ANXA1: variants seen among roughly 807,000 people sequenced by gnomAD.
The protein encoded by ANXA1 is annexin A1, also known as annexin I (lipocortin I).
In ANXA1, 39 loss-of-function variants were observed where a neutral mutation model predicts 47.9. The observed-to-expected ratio is 0.81, with a 90% CI of 0.63 to 1.06. The LOEUF is 1.06. Among genes scored for constraint, ANXA1 ranks in the 50% least tolerant of loss-of-function variants. ANXA1 has a pLI of 0.00. For synonymous variants in ANXA1, 146 were observed against 142.5 expected (o/e 1.02, Z -0.17); for missense variants, 446 against 422.7 (o/e 1.06, Z -0.48).
In ANXA1 at chr9:73,167,525, C is replaced by T. The variant is rs2118177268; in HGVS notation, c.831C>T (p.Phe277=). Reference sequence around the variant, plus strand: ...AGTGCGCCACAAGCAAACCAGCTTTCTTTGCAGAGAAGCTTCATCAAGCCA... The same window carrying T: ...AGTGCGCCACAAGCAAACCAGCTTTTTTTGCAGAGAAGCTTCATCAAGCCA... ...IVKCATSKPA[F]FAEKLHQAMK... is the part of the protein sequence containing the mutation. Residue 277 remains phenylalanine, a synonymous_variant, in exon 11 of 13, where the codon TTC becomes TTT. Coordinates refer to ENST00000257497, the MANE Select transcript of ANXA1 (RefSeq NM_000700.3). The T allele has an allele frequency of 4.3e-6, 7 of 1,613,434 alleles. No homozygotes were observed. The highest frequency in any genetic ancestry group is 4.2e-6 in the Non-Finnish European group (5 of 1,179,532).
chr9:73,166,676 G>T, intron 10 of ANXA1, among the ~76,000 whole-genome samples: 1 of 152,078 alleles, frequency 6.6e-6, no homozygotes, highest in Non-Finnish European at 1.5e-5. Flanking sequence ...CAACCATCAG[G>T]GTTGGGGAAC....
intron 6 of ANXA1, among the ~76,000 whole-genome samples, chr9:73,161,935 G>T (rs1194521986): frequency 6.6e-6 from 1 of 152,150 alleles, no homozygotes; most frequent in East Asian, 1.9e-4. Context: ...ACCAAGTAAT[G>T]TAAAAAGAAA....
In ANXA1 at chr9:73,158,613, G is replaced by A. The variant is rs1385633502; in HGVS notation, c.66+12G>A. The A allele has an allele frequency of 2.0e-5, 32 of 1,611,784 alleles. No individual in the cohort carries two copies. Among genetic ancestry groups the A allele is most frequent in the Non-Finnish European group, 2.7e-5 (32 of 1,178,178 alleles). On this transcript the variant is annotated intron_variant, in intron 2 of 12. Transcript: ENST00000257497. The stretch of plus-strand genomic sequence containing the variant: ...AGCAGGAATATGTTGTAAGTAGAGT[G>A]ATAATAAAATTATGATTACAATATT...
chr9:73,167,880 G>T, intron 11 of ANXA1: 1 of 231,664 alleles, frequency 4.3e-6, no homozygotes, highest in South Asian at 1.3e-4. Flanking sequence ...CTTCCTCTAA[G>T]GTTGTGAGTT....
chr9:73,153,602 T>C, intron 1 of ANXA1, among the ~76,000 whole-genome samples: 1 of 152,212 alleles, frequency 6.6e-6, no homozygotes, highest in East Asian at 1.9e-4. Context: ...TAAATGTTTT[T>C]CTTGAGGTCA....
rs1009898846 is a variant in ANXA1 at position 73,167,287 on chromosome 9, C to T, written c.803-210C>T. The stretch of plus-strand genomic sequence containing the variant: ...TATTTAAGGTAATAAAAAAATTGAT[C>T]GTCAGGGAAAAGAATATTCAAAACC... On this transcript the variant is annotated intron_variant, in intron 10 of 12. Coordinates refer to ENST00000257497, the MANE Select transcript of ANXA1 (RefSeq NM_000700.3). Among the ~76,000 whole-genome samples, 6 of 152,194 alleles carry T rather than the reference C, an allele frequency of 3.9e-5. 1 individual carries two copies. The South Asian group carries it at 6.2e-4, about 16-fold the overall frequency.
intron 1 of ANXA1, chr9:73,158,181 G>A (rs28720105): frequency 0.022 from 5,249 of 242,048 alleles, 303 homozygotes; most frequent in African/African-American, 0.11. Flanking sequence ...GGCATATGGT[G>A]GGTGGTCTAC....
At chr9:73,154,409 T>C in intron 1 of ANXA1, 1 of 1,251,030 alleles carries the variant, frequency 8.0e-7, no homozygotes, top group Admixed American at 2.0e-5. Context: ...CCCTCCCTTC[T>C]CTTTCTTTTC....
At chr9:73,159,450 T>C (rs1824102473) in intron 4 of ANXA1, 27 bp downstream of exon 4, 1 of 1,588,204 alleles carries the variant, frequency 6.3e-7, no homozygotes, top group Admixed American at 1.7e-5. Flanking sequence ...AATTTAGATA[T>C]TTAATTTCAG....
At chr9:73,161,190 T>C (rs976984054) in intron 6 of ANXA1, among the ~76,000 whole-genome samples, 7 of 152,152 alleles carry the variant, frequency 4.6e-5, no homozygotes, top group South Asian at 2.1e-4. Context: ...ATTCAGAGCA[T>C]TGAATTTTTA....
At chr9:73,167,431 T>C (rs1273628809) in intron 10 of ANXA1, 66 bp from the exon 11 acceptor site, 7 of 1,455,698 alleles carry the variant, frequency 4.8e-6, no homozygotes, top group Non-Finnish European at 5.8e-6. Flanking sequence ...ATTTCCTGTT[T>C]CTTTCATATG....
rs573483557 is a variant in ANXA1, at chr9:73,162,043, T to C, written c.476-739T>C. ...CAGAAAGCAGACAGAAGCAGATGTG[T>C]GCAGAGAGGGAGAGAGAGAAAAGGA... On this transcript the variant is annotated intron_variant, in intron 6 of 12. Transcript: ENST00000257497. Among the ~76,000 whole-genome samples, 14 of 152,248 alleles carry C rather than the reference T, an allele frequency of 9.2e-5. No individual in the cohort carries two copies. The East Asian group carries it at 2.7e-3, about 29-fold the overall frequency.
At chr9:73,162,924 T>C (rs1300924012) in intron 7 of ANXA1, 63 bp downstream of exon 7, 2 of 1,353,146 alleles carry the variant, frequency 1.5e-6, no homozygotes, top group African/African-American at 2.9e-5. Flanking sequence ...TTAGTCCATT[T>C]TGTGTTGCTA....
At chr9:73,163,980 T>A (rs144310418) in intron 8 of ANXA1, among the ~76,000 whole-genome samples, 1,757 of 152,158 alleles carry the variant, frequency 0.012, 29 homozygotes, top group African/African-American at 0.038. Context: ...ATAACAAGAG[T>A]ATAGGATAAA....
At chr9:73,162,683 CTG>C (rs1824163212) in intron 6 of ANXA1, 97 bp from the exon 7 acceptor site, 1 of 796,288 alleles carries the variant, frequency 1.3e-6, no homozygotes. Context: ...TCATTGAACA[CTG>C]TGGCACTGTG....
chr9:73,153,690 A>T (rs1158092472), intron 1 of ANXA1, among the ~76,000 whole-genome samples: 2 of 152,236 alleles, frequency 1.3e-5, no homozygotes, highest in Non-Finnish European at 2.9e-5. Flanking sequence ...AATGTTCATT[A>T]AATTAGTGTA....
At chr9:73,155,992 A>G (rs1013294951) in intron 1 of ANXA1, among the ~76,000 whole-genome samples, 18 of 149,668 alleles carry the variant, frequency 1.2e-4, no homozygotes, top group African/African-American at 4.4e-4. Context: ...TAAAGTTTTT[A>G]TAACGTTTAT....
intron 1 of ANXA1, among the ~76,000 whole-genome samples, chr9:73,156,103 G>T (rs1210965370): frequency 2.1e-5 from 3 of 140,128 alleles, no homozygotes; most frequent in Non-Finnish European, 4.6e-5. Flanking sequence ...GAAAAGAATG[G>T]AATAATAATA....
At chr9:73,153,415 C>G (rs983363134) in intron 1 of ANXA1, among the ~76,000 whole-genome samples, 2 of 152,152 alleles carry the variant, frequency 1.3e-5, no homozygotes, top group Non-Finnish European at 2.9e-5. Flanking sequence ...GACAGAATTT[C>G]ATCAGGAAGC....
Sources: gnomAD v4.1 joint callset for allele counts (sites outside exome capture counted in the v4.1 genomes callset) on GRCh38, gnomAD v4.1.1 for gene constraint, MANE v1.5 for transcripts, NCBI Gene and HGNC (gene_info 2026-07-23, HGNC 2026-07-21) for gene names.